IMMP2L: variants seen among roughly 807,000 people sequenced by gnomAD.
IMMP2L encodes mitochondrial inner membrane protease subunit 2.
In IMMP2L, 18 loss-of-function variants were observed where a neutral mutation model predicts 19.3. The ratio of observed to expected loss-of-function variants is 0.93; its 90% CI spans 0.64 to 1.38. The LOEUF is 1.38. Ranked by LOEUF, IMMP2L falls within the 40% of genes most tolerant of loss-of-function variation. The pLI, the probability that IMMP2L is intolerant of heterozygous loss-of-function variation, is 0.00. For missense variants in IMMP2L, 233 were observed against 218.2 expected (o/e 1.07, Z -0.43); for synonymous variants, 76 against 73.0 (o/e 1.04, Z -0.21).
At position 111,505,591 on chromosome 7, in the gene IMMP2L, C is replaced by A. The variant is rs537084856; in HGVS notation, c.135+15722G>T. Among the ~76,000 whole-genome samples the A allele has an allele frequency of 2.0e-5, 3 of 152,180 alleles. No individual in the cohort carries two copies. The East Asian group carries it at 5.8e-4, about 29-fold the overall frequency. On this transcript the variant is annotated intron_variant, in intron 2 of 5. Transcript: ENST00000405709. ...AACCCAAATGTCCAACAATGATAGA[C>A]TAGGTTAAGAAAATGTGGCACATAT... is the stretch of plus-strand genomic sequence containing the variant.
At chr7:111,108,538 T>C (rs1209074204) in intron 3 of IMMP2L, among the ~76,000 whole-genome samples, 2 of 152,090 alleles carry the variant, frequency 1.3e-5, no homozygotes, top group Non-Finnish European at 2.9e-5. Context: ...AAAACATACA[T>C]ATCTCCATTA....
intron 3 of IMMP2L, among the ~76,000 whole-genome samples, chr7:111,403,001 C>T (rs549090781): frequency 7.5e-5 from 8 of 106,272 alleles, no homozygotes; most frequent in Non-Finnish European, 9.8e-5. Flanking sequence ...ACCCCCCCCC[C>T]CCACCCCGCC....
rs564267404 is a variant in IMMP2L at position 111,076,960 on chromosome 7, T to C, written c.240-113395A>G. 4.6e-5 allele frequency among the ~76,000 whole-genome samples: 7 copies of C among 152,312 alleles called. No homozygotes were observed. In the South Asian group the frequency reaches 6.2e-4, roughly 14 times the overall value. On this transcript the variant is annotated intron_variant, in intron 3 of 5. Coordinates refer to ENST00000405709, the MANE Select transcript of IMMP2L (RefSeq NM_032549.4). ...CTTTCTGACTCTAGCTAGACCTCAA[T>C]AGTGAATGAGGTCTCTCCTCCAACT... is the stretch of plus-strand genomic sequence containing the variant.
chr7:111,468,791 A>C (rs930921342), intron 3 of IMMP2L, among the ~76,000 whole-genome samples: 2 of 152,154 alleles, frequency 1.3e-5, no homozygotes, highest in Non-Finnish European at 1.5e-5. Context: ...GGTAGACCCA[A>C]AAAGACTCTG....
chr7:110,748,920 G>A (rs1186575336), intron 5 of IMMP2L, among the ~76,000 whole-genome samples: 5 of 152,134 alleles, frequency 3.3e-5, no homozygotes, highest in African/African-American at 1.2e-4. Context: ...AAACTAAAGA[G>A]CTTTTGCACA....
intron 3 of IMMP2L, among the ~76,000 whole-genome samples, chr7:111,050,052 G>A (rs1442770247): frequency 1.3e-5 from 2 of 152,156 alleles, no homozygotes; most frequent in Non-Finnish European, 2.9e-5. Flanking sequence ...TTTTGAGGAG[G>A]CACAGTCTCA....
chr7:111,323,613 C>T (rs937584400), intron 3 of IMMP2L, among the ~76,000 whole-genome samples: 3 of 152,060 alleles, frequency 2.0e-5, no homozygotes, highest in Admixed American at 6.6e-5. Context: ...ACTAGAAATA[C>T]CATTTCACCC....
intron 5 of IMMP2L, among the ~76,000 whole-genome samples, chr7:110,749,988 T>C (rs1797623775): frequency 6.6e-6 from 1 of 152,114 alleles, no homozygotes; most frequent in Non-Finnish European, 1.5e-5. Context: ...GTAATGCTTT[T>C]ACTTAGACAA....
chr7:110,902,256 AATG>A (rs1393562619), intron 4 of IMMP2L, among the ~76,000 whole-genome samples: 2 of 151,924 alleles, frequency 1.3e-5, no homozygotes, highest in Non-Finnish European at 2.9e-5. Flanking sequence ...AAAATATAAT[AATG>A]ATATTAACAG....
chr7:111,303,413 G>A (rs2130058090), intron 3 of IMMP2L, among the ~76,000 whole-genome samples: 1 of 151,962 alleles, frequency 6.6e-6, no homozygotes. Context: ...TTTTTTGTTT[G>A]TTTACATATA....
chr7:111,500,413 C>T (rs1024554093), intron 2 of IMMP2L, among the ~76,000 whole-genome samples: 4 of 152,188 alleles, frequency 2.6e-5, no homozygotes, highest in African/African-American at 9.7e-5. Context: ...CAGCAGTAAC[C>T]TCTGCAGACT....
chr7:110,847,826 TAGTGC>T (rs1262693528), intron 5 of IMMP2L, among the ~76,000 whole-genome samples: 1 of 152,070 alleles, frequency 6.6e-6, no homozygotes, highest in Non-Finnish European at 1.5e-5. Context: ...TTTCAAAAAA[TAGTGC>T]TGGAACAACA....
chr7:111,312,052 G>A (rs779672369), intron 3 of IMMP2L, among the ~76,000 whole-genome samples: 16 of 152,154 alleles, frequency 1.1e-4, no homozygotes, highest in Non-Finnish European at 1.9e-4. Flanking sequence ...CATGAGGAAA[G>A]CATTTGTGGG....
intron 3 of IMMP2L, among the ~76,000 whole-genome samples, 179 bp downstream of exon 3, chr7:111,487,059 C>CA (rs1188790547): frequency 1.2e-4 from 19 of 152,026 alleles, no homozygotes; most frequent in African/African-American, 4.6e-4. Context: ...ATTTTAAATG[C>CA]AAAAAATTCT....
intron 5 of IMMP2L, among the ~76,000 whole-genome samples, chr7:110,820,882 T>C (rs59272864): frequency 0.09 from 13,617 of 152,062 alleles, 950 homozygotes; most frequent in African/African-American, 0.19. Context: ...TCCTGAGCTC[T>C]CTTTTCCTCA....
intron 3 of IMMP2L, among the ~76,000 whole-genome samples, chr7:111,136,985 T>C (rs1000563598): frequency 6.6e-6 from 1 of 152,142 alleles, no homozygotes; most frequent in African/African-American, 2.4e-5. Context: ...TGAAAGGTGG[T>C]TAGCTTGCTG....
rs568315163 is a variant in IMMP2L at position 110,932,228 on chromosome 7, A to T, written c.305+31272T>A. On this transcript the variant is annotated intron_variant, in intron 4 of 5. Coordinates refer to ENST00000405709, the MANE Select transcript of IMMP2L (RefSeq NM_032549.4). The stretch of plus-strand genomic sequence containing the variant: ...CGTTGCCTAGAACAACACCAGTTAC[A>T]TAATAAGAGCTGAATAACTATTTCT... 2.0e-5 allele frequency among the ~76,000 whole-genome samples: 3 copies of T among 152,362 alleles called. No homozygotes were observed. In the South Asian group the frequency reaches 6.2e-4, roughly 32 times the overall value.
intron 3 of IMMP2L, among the ~76,000 whole-genome samples, chr7:111,463,983 T>C (rs1840378543): frequency 6.6e-6 from 1 of 152,208 alleles, no homozygotes; most frequent in Non-Finnish European, 1.5e-5. Flanking sequence ...TTCTGTCATA[T>C]ATACATTTGC....
At chr7:111,312,609 T>A (rs1310172655) in intron 3 of IMMP2L, among the ~76,000 whole-genome samples, 5 of 152,120 alleles carry the variant, frequency 3.3e-5, no homozygotes, top group Non-Finnish European at 7.4e-5. Flanking sequence ...CAGGAGTCAT[T>A]ATTCAATCCA....
Sources: allele counts gnomAD v4.1 joint callset (sites outside exome capture counted in the v4.1 genomes callset), GRCh38; gene constraint gnomAD v4.1.1; transcripts MANE v1.5; gene names NCBI Gene and HGNC (gene_info 2026-07-23, HGNC 2026-07-21).